Variants in ZNF254 observed in about 807,000 individuals in gnomAD.
ZNF254 encodes zinc finger protein 254, also known as CTD-2017D11.1.
In ZNF254, 10 loss-of-function variants were observed where a neutral mutation model predicts 12.4. The ratio of observed to expected loss-of-function variants is 0.80; its 90% confidence interval spans 0.50 to 1.36. The LOEUF is 1.36. Ranked by LOEUF, ZNF254 falls within the 40% of genes most tolerant of loss-of-function variation. The pLI, the probability that ZNF254 is intolerant of heterozygous loss-of-function variation, is 0.00. For synonymous variants in ZNF254, 305 were observed against 253.4 expected (o/e 1.20, Z -1.93); for missense variants, 996 against 763.9 (o/e 1.30, Z -3.58).
intron 1 of ZNF254, among the ~76,000 whole-genome samples, chr19:24,044,744 C>T (rs1382338979): frequency 6.6e-6 from 1 of 152,072 alleles, no homozygotes; most frequent in Non-Finnish European, 1.5e-5. Context: ...TAAGTCAGAA[C>T]CAGTTGTCTT....
chr19:24,035,175 T>C (rs1214527389), intron 1 of ZNF254, among the ~76,000 whole-genome samples: 1 of 151,932 alleles, frequency 6.6e-6, no homozygotes, highest in Non-Finnish European at 1.5e-5. Context: ...TGTTGTTTGT[T>C]TTTTGTGAGA....
chr19:24,082,995 G>C (rs145514123), upstream of ZNF254, among the ~76,000 whole-genome samples: 1 of 152,084 alleles, frequency 6.6e-6, no homozygotes, highest in Admixed American at 6.6e-5. Context: ...AATAAGTAGC[G>C]AGCCTCCAAG....
intron 2 of ZNF254, chr19:24,079,351 A>G (rs1778972050): frequency 1.3e-5 from 2 of 152,110 alleles, no homozygotes; most frequent in Non-Finnish European, 2.9e-5. Flanking sequence ...TCTATTGAGA[A>G]CCATTTGTCC....
chr19:24,041,534 C>T (rs1364833259), intron 1 of ZNF254, among the ~76,000 whole-genome samples: 1 of 152,266 alleles, frequency 6.6e-6, no homozygotes, highest in African/African-American at 2.4e-5. Context: ...TCTCGCCGGG[C>T]CTTAGCTGCT....
chr19:24,119,800 A>T (rs956943237), intron 3 of ZNF254, among the ~76,000 whole-genome samples: 2 of 152,044 alleles, frequency 1.3e-5, no homozygotes, highest in African/African-American at 4.8e-5. Flanking sequence ...ATTAATTTAT[A>T]TTTAAAATTA....
chr19:24,091,276 C>G (rs1296654848), intron 1 of ZNF254, among the ~76,000 whole-genome samples: 2 of 147,882 alleles, frequency 1.4e-5, no homozygotes, highest in African/African-American at 2.5e-5. Context: ...AGAATTCCAT[C>G]TAGCTTTTAG....
intron 2 of ZNF254, chr19:24,079,147 T>G (rs1361710389): frequency 6.6e-6 from 1 of 152,176 alleles, no homozygotes; most frequent in African/African-American, 2.4e-5. Flanking sequence ...TCAGTCAGAA[T>G]GAAACCCTGC....
intron 1 of ZNF254, among the ~76,000 whole-genome samples, chr19:24,041,783 C>T (rs1970175279): frequency 1.3e-5 from 2 of 152,284 alleles, no homozygotes; most frequent in Admixed American, 6.5e-5. Flanking sequence ...GCTCCTGAGT[C>T]TGGTGGGGAC....
chr19:24,102,385 TTAAG>T (rs1973087625), intron 1 of ZNF254, among the ~76,000 whole-genome samples: 1 of 151,934 alleles, frequency 6.6e-6, no homozygotes, highest in East Asian at 1.9e-4. Flanking sequence ...ACTCTGAGAT[TTAAG>T]TTTTTTTTTT....
chr19:24,085,119 G>T (rs1221076944), upstream of ZNF254, among the ~76,000 whole-genome samples: 1 of 150,022 alleles, frequency 6.7e-6, no homozygotes, highest in Non-Finnish European at 1.5e-5. Flanking sequence ...TAATAGTGGA[G>T]ATGGGGGTTT....
At chr19:24,060,033 C>G (rs1265206778) in intron 2 of ZNF254, among the ~76,000 whole-genome samples, 1 of 152,242 alleles carries the variant, frequency 6.6e-6, no homozygotes, top group East Asian at 1.9e-4. Context: ...GAAAATGTTT[C>G]TCTCCTGCCT....
At chr19:24,033,656 G>T in intron 1 of ZNF254, 1 of 346,500 alleles carries the variant, frequency 2.9e-6, no homozygotes, top group South Asian at 2.2e-5. Flanking sequence ...CGAAAGGAGA[G>T]AGCGGGCTGT....
chr19:24,089,450 GTT>G (rs1568448552), intron 1 of ZNF254, among the ~76,000 whole-genome samples: 1 of 151,856 alleles, frequency 6.6e-6, no homozygotes, highest in Non-Finnish European at 1.5e-5. Flanking sequence ...TTATCAGAAT[GTT>G]TTTGGGTCAA....
intron 3 of ZNF254, among the ~76,000 whole-genome samples, chr19:24,124,797 T>C (rs1974719398): frequency 6.7e-6 from 1 of 150,366 alleles, no homozygotes; most frequent in East Asian, 2.0e-4. Context: ...GAAACAAGAG[T>C]CTCACTGTAT....
At chr19:24,034,224 A>G (rs970150243) in intron 1 of ZNF254, among the ~76,000 whole-genome samples, 13 of 152,176 alleles carry the variant, frequency 8.5e-5, no homozygotes, top group Non-Finnish European at 1.8e-4. Flanking sequence ...TAGAAGCCTG[A>G]ACTCAGTGAC....
Position 24,122,762 on chromosome 19 carries a change from G to T in ZNF254, c.254-3492G>T, listed in dbSNP as rs562307108. Reference sequence around the variant, plus strand: ...ATATCTACTGAATGATTTGGTGAAAGAAATCTGCCTTGCTTTTACCTATTG... The same window carrying T: ...ATATCTACTGAATGATTTGGTGAAATAAATCTGCCTTGCTTTTACCTATTG... On this transcript the variant is annotated intron_variant, in intron 3 of 3. Coordinates refer to ENST00000357002, the MANE Select transcript of ZNF254 (RefSeq NM_203282.4). 1.4e-3 allele frequency among the ~76,000 whole-genome samples: 213 copies of T among 151,616 alleles called. 1 individual carries two copies. Among genetic ancestry groups the T allele is most frequent in the African/African-American group, 5.0e-3 (205 of 41,272 alleles).
intron 1 of ZNF254, among the ~76,000 whole-genome samples, chr19:24,102,629 T>C (rs1243566108): frequency 6.6e-6 from 1 of 152,138 alleles, no homozygotes; most frequent in Non-Finnish European, 1.5e-5. Context: ...GAGTTGGTGC[T>C]CACACTTTTC....
rs751231959 is a variant in ZNF254 at position 24,127,117 on chromosome 19, A to G, written c.1117A>G (p.Thr373Ala). Residue 373 changes from threonine (T) to alanine (A), a missense_variant, in exon 4 of 4, where the codon ACT becomes GCT. By Grantham distance (58) the Thr-to-Ala change is moderately conservative. Coordinates refer to ENST00000357002, the MANE Select transcript of ZNF254 (RefSeq NM_203282.4). ...CCTTACTACACATAAGATAATTCAT[A>G]CTGGAGAGAAACGCTACAAATGCTT... ...STLTTHKIIH[T>A]GEKRYKCLEC... 3 of 1,613,530 alleles carry G rather than the reference A, an allele frequency of 1.9e-6. No homozygotes were observed. Among genetic ancestry groups the G allele is most frequent in the Non-Finnish European group, 2.5e-6 (3 of 1,179,794 alleles).
At chr19:24,111,626 C>A (rs1050111680) in intron 3 of ZNF254, among the ~76,000 whole-genome samples, 1 of 152,226 alleles carries the variant, frequency 6.6e-6, no homozygotes, top group Non-Finnish European at 1.5e-5. Context: ...TGTTTCCTGA[C>A]TTTTTAATGA....
Sources: allele counts gnomAD v4.1 joint callset (sites outside exome capture counted in the v4.1 genomes callset), GRCh38; gene constraint gnomAD v4.1.1; transcripts MANE v1.5; gene names NCBI Gene and HGNC (gene_info 2026-07-23, HGNC 2026-07-21).